The following COMT variants were observed in gnomAD, a reference collection of about 807,000 sequenced individuals.
COMT encodes the protein catechol O-methyltransferase.
COMT carries 13 observed loss-of-function variants against 18.9 expected under a neutral mutation model. That is an observed-to-expected ratio of 0.69 (90% CI 0.45 to 1.09). The LOEUF is 1.09. Ranked by LOEUF, COMT falls within the 50% of genes least tolerant of loss-of-function variation. The pLI, the probability that COMT is intolerant of heterozygous loss-of-function variation, is 0.00. For missense variants in COMT, 329 were observed against 361.8 expected (o/e 0.91, Z 0.73); for synonymous variants, 150 against 160.9 (o/e 0.93, Z 0.51).
intron 2 of COMT, 177 bp from the exon 3 acceptor site, chr22:19,962,350 C>T (rs958107987): frequency 1.6e-5 from 19 of 1,155,892 alleles, no homozygotes; most frequent in Admixed American, 4.4e-5. Context: ...CCAGAGGGCA[C>T]GAGAAGGCTG....
Position 19,962,701 on chromosome 22 carries a change from A to G in COMT, c.175A>G (p.Ile59Val), listed in dbSNP as rs752620960. 1.9e-6 allele frequency: 3 copies of G among 1,613,646 alleles called. No homozygotes were observed. The highest frequency in any genetic ancestry group is 2.5e-6 in the Non-Finnish European group (3 of 1,179,992). Reference sequence around the variant, plus strand: ...CATGGGTGACACCAAGGAGCAGCGCATCCTGAACCACGTGCTGCAGCATGC... The same window carrying G: ...CATGGGTGACACCAAGGAGCAGCGCGTCCTGAACCACGTGCTGCAGCATGC... Reference protein sequence around the residue: ...LLMGDTKEQRILNHVLQHAEP... With the variant: ...LLMGDTKEQRVLNHVLQHAEP... Residue 59 changes from isoleucine (I) to valine (V), a missense_variant, in exon 3 of 6, where the codon ATC becomes GTC. Transcript: ENST00000361682.
At chr22:19,956,799 C>T (rs144825098) in intron 1 of COMT, among the ~76,000 whole-genome samples, 23 of 152,212 alleles carry the variant, frequency 1.5e-4, no homozygotes, top group Middle Eastern at 3.4e-3. Flanking sequence ...TGGTCCTGAA[C>T]GCCTGGGCTC....
chr22:19,963,970 G>C lies in COMT; in HGVS notation c.484-198G>C, dbSNP rs796395390. 13 of 1,224,364 alleles carry C rather than the reference G, an allele frequency of 1.1e-5. 1 individual carries two copies. In the African/African-American group the frequency reaches 1.8e-4, roughly 17 times the overall value. 75.8% of individuals were successfully genotyped at this position (1,224,364 alleles called of 1,614,324 possible). A position where few individuals can be genotyped will look rare whatever the true frequency, so the allele number is the denominator to read the frequency against. On this transcript the variant is annotated intron_variant, in intron 4 of 5. Coordinates refer to ENST00000361682, the MANE Select transcript of COMT (RefSeq NM_000754.4). ...CTCACAGCTCTGGGTAAACTGCCAA[G>C]GTGGCACCAGGAGGGGCAGGGACAG...
chr22:19,951,365 A>AG, intron 1 of COMT: 2 of 151,154 alleles, frequency 1.3e-5, no homozygotes, highest in East Asian at 1.9e-4. Context: ...TCCCAAAAAA[A>AG]AAAAAAAAAA....
At position 19,968,762 on chromosome 22, in the gene COMT, C is replaced by T. The variant is rs748900622; in HGVS notation, c.*26C>T. ...CTGCCCCCCCGGCCCCCCTCTCGGG[C>T]TCTCTCACCCAGCCTGGTACTGAAG... is the stretch of plus-strand genomic sequence containing the variant. On this transcript the variant is annotated 3_prime_UTR_variant, in exon 6 of 6. Coordinates refer to ENST00000361682, the MANE Select transcript of COMT (RefSeq NM_000754.4). 3.1e-6 allele frequency: 5 copies of T among 1,596,958 alleles called. No homozygotes were observed. The highest frequency in any genetic ancestry group is 2.2e-5 in the South Asian group (2 of 89,990).
At chr22:19,941,949 G>A in intron 1 of COMT, 52 bp downstream of exon 1, 1 of 765,896 alleles carries the variant, frequency 1.3e-6, no homozygotes, top group Non-Finnish European at 1.9e-6. Flanking sequence ...CGGGGCGGGG[G>A]CCTTCAGACC....
At chr22:19,951,902 A>G (rs558390204) in intron 1 of COMT, among the ~76,000 whole-genome samples, 7 of 152,354 alleles carry the variant, frequency 4.6e-5, no homozygotes, top group African/African-American at 1.4e-4. Flanking sequence ...CAGGGGCCCC[A>G]TCTTCAGGTG....
At chr22:19,953,545 A>G (rs1941994750) in intron 1 of COMT, among the ~76,000 whole-genome samples, 1 of 152,096 alleles carries the variant, frequency 6.6e-6, no homozygotes, top group Admixed American at 6.5e-5. Context: ...TGCCTGCCTC[A>G]GCCTCCCAAA....
intron 1 of COMT, among the ~76,000 whole-genome samples, chr22:19,950,171 G>A (rs1286727685): frequency 6.9e-6 from 1 of 143,916 alleles, no homozygotes; most frequent in Non-Finnish European, 1.5e-5. Context: ...CAACTCACTA[G>A]TTTATATAAG....
intron 1 of COMT, among the ~76,000 whole-genome samples, chr22:19,956,861 C>G (rs1293457837): frequency 1.3e-5 from 2 of 152,140 alleles, no homozygotes; most frequent in Non-Finnish European, 1.5e-5. Context: ...CAGGTGTGGC[C>G]ACTGTTCCAG....
chr22:19,965,039 G>C (rs1488868922), intron 5 of COMT: 3 of 164,880 alleles, frequency 1.8e-5, no homozygotes, highest in Non-Finnish European at 4.0e-5. Context: ...TTAGCAGCCG[G>C]ACTAGGAGCA....
At chr22:19,961,718 G>A (rs1347318203) in intron 2 of COMT, 1 of 152,276 alleles carries the variant, frequency 6.6e-6, no homozygotes, top group Non-Finnish European at 1.5e-5. Context: ...TGAACCCCTG[G>A]GCTTCTGCCT....
intron 5 of COMT, chr22:19,965,747 C>G (rs1942357131): frequency 6.8e-6 from 1 of 147,400 alleles, no homozygotes; most frequent in Non-Finnish European, 1.5e-5. Flanking sequence ...TTCAGATGCC[C>G]TGAACTCACG....
chr22:19,966,956 G>C (rs1415713322), intron 5 of COMT: 2 of 985,278 alleles, frequency 2.0e-6, no homozygotes, highest in Non-Finnish European at 2.4e-6. Context: ...TTTCAGTCCT[G>C]CTCAGACGCT....
intron 1 of COMT, among the ~76,000 whole-genome samples, chr22:19,955,599 T>C (rs1484958158): frequency 6.6e-6 from 1 of 152,240 alleles, no homozygotes; most frequent in East Asian, 1.9e-4. Flanking sequence ...AGCTGCCCCG[T>C]GTGTAAACGC....
intron 5 of COMT, among the ~76,000 whole-genome samples, chr22:19,965,806 A>G (rs1320620213): frequency 1.2e-5 from 1 of 82,228 alleles, no homozygotes; most frequent in Non-Finnish European, 2.4e-5. Context: ...GTAGTGGCCA[A>G]GGGGGTGGGC....
chr22:19,943,691 A>C (rs1267350637), intron 1 of COMT, among the ~76,000 whole-genome samples: 1 of 152,098 alleles, frequency 6.6e-6, no homozygotes, highest in Non-Finnish European at 1.5e-5. Flanking sequence ...AGAAAGAAAT[A>C]AAAACAAAGA....
At chr22:19,945,779 C>G (rs1941825878) in intron 1 of COMT, among the ~76,000 whole-genome samples, 1 of 152,150 alleles carries the variant, frequency 6.6e-6, no homozygotes, top group Non-Finnish European at 1.5e-5. Flanking sequence ...CATTCTCCTG[C>G]CTCAGCCTCC....
chr22:19,953,657 G>A (rs1016599425), intron 1 of COMT, among the ~76,000 whole-genome samples: 17 of 152,094 alleles, frequency 1.1e-4, no homozygotes, highest in African/African-American at 3.4e-4. Context: ...GCAGGCTCCC[G>A]GGCTCAGTCC....
Sources: allele counts gnomAD v4.1 joint callset (sites outside exome capture counted in the v4.1 genomes callset), GRCh38; gene constraint gnomAD v4.1.1; transcripts MANE v1.5; gene names NCBI Gene and HGNC (gene_info 2026-07-23, HGNC 2026-07-21).